USP12: variants seen among roughly 807,000 people sequenced by gnomAD.
USP12 encodes ubiquitin carboxyl-terminal hydrolase 12.
In USP12, 19 loss-of-function variants were observed where a neutral mutation model predicts 45.5. The observed-to-expected ratio is 0.42, with a 90% CI of 0.29 to 0.61. The LOEUF (loss-of-function observed/expected upper bound fraction) is 0.61, where lower values mean the gene tolerates loss of function less well. USP12 is among the 20% of genes least tolerant of loss of function. The pLI, the probability that USP12 is intolerant of heterozygous loss-of-function variation, is 0.22. For synonymous variants in USP12, 149 were observed against 148.8 expected (o/e 1.00, Z -0.01); for missense variants, 242 against 447.7 (o/e 0.54, Z 4.15).
At position 27,105,834 on chromosome 13, in the gene USP12, A is replaced by G. The variant is rs763355024; in HGVS notation, c.240T>C (p.Leu80=). 90 of 1,613,754 alleles carry G rather than the reference A, an allele frequency of 5.6e-5. No homozygotes were observed. The highest frequency in any genetic ancestry group is 7.5e-5 in the Non-Finnish European group (88 of 1,179,822). ...GGAAGAGATCTGCTAAGCATGTAAG[A>G]AGGCTCTCCTTTTTCCTAGGTTGAC... ...YKSQPRKKES[L]LTCLADLFHS... The change falls in exon 3 of 9, where the codon CTT becomes CTC. Residue 80 remains leucine, a synonymous_variant. Transcript: ENST00000282344.
chr13:27,094,176 G>A (rs1196254045), intron 4 of USP12, among the ~76,000 whole-genome samples: 3 of 73,058 alleles, frequency 4.1e-5, no homozygotes, highest in Non-Finnish European at 7.9e-5. Context: ...CTAATTGCAA[G>A]GGGATTTAAA....
intron 1 of USP12, among the ~76,000 whole-genome samples, chr13:27,166,909 T>C (rs1315673261): frequency 3.9e-5 from 6 of 152,160 alleles, no homozygotes; most frequent in African/African-American, 1.4e-4. Context: ...TTTTATAACA[T>C]TAAACTCATG....
chr13:27,081,312 T>A (rs765255895), intron 6 of USP12, among the ~76,000 whole-genome samples: 21 of 152,252 alleles, frequency 1.4e-4, no homozygotes, highest in Non-Finnish European at 2.8e-4. Flanking sequence ...TCAACAATGT[T>A]CACAGCATGT....
intron 1 of USP12, among the ~76,000 whole-genome samples, chr13:27,155,082 T>C: frequency 7.8e-6 from 1 of 128,594 alleles, no homozygotes; most frequent in Non-Finnish European, 1.6e-5. Context: ...TTTTTTTTTT[T>C]TTTTTTTTTT....
At chr13:27,097,057 T>C (rs1363001016) in intron 3 of USP12, among the ~76,000 whole-genome samples, 1 of 149,652 alleles carries the variant, frequency 6.7e-6, no homozygotes, top group Admixed American at 6.7e-5. Context: ...GCAAATCTCA[T>C]ATAAAAGAAA....
At chr13:27,151,014 A>G (rs1003521623) in intron 1 of USP12, among the ~76,000 whole-genome samples, 1 of 152,058 alleles carries the variant, frequency 6.6e-6, no homozygotes, top group South Asian at 2.1e-4. Flanking sequence ...AAAATATGAC[A>G]CCAAAAGCAT....
intron 1 of USP12, among the ~76,000 whole-genome samples, chr13:27,160,013 G>A (rs930444491): frequency 3.9e-5 from 6 of 152,176 alleles, no homozygotes; most frequent in South Asian, 2.1e-4. Context: ...GCGGAATTGC[G>A]AACACTTGGC....
intron 1 of USP12, among the ~76,000 whole-genome samples, chr13:27,135,421 G>C (rs537071836): frequency 1.3e-5 from 2 of 152,060 alleles, no homozygotes; most frequent in East Asian, 3.9e-4. Flanking sequence ...TTAAGTATTG[G>C]GTCTATGGAG....
At chr13:27,098,559 T>C (rs1489286128) in intron 3 of USP12, among the ~76,000 whole-genome samples, 2 of 152,306 alleles carry the variant, frequency 1.3e-5, no homozygotes, top group South Asian at 2.1e-4. Context: ...TTCCATCCAG[T>C]GTTAGCTTGA....
chr13:27,100,165 G>A (rs1874801522), intron 3 of USP12, among the ~76,000 whole-genome samples: 1 of 152,158 alleles, frequency 6.6e-6, no homozygotes, highest in African/African-American at 2.4e-5. Context: ...CTAGACCACA[G>A]CTAAGCTAAC....
chr13:27,126,240 T>C (rs1296169282), intron 1 of USP12, among the ~76,000 whole-genome samples: 1 of 152,182 alleles, frequency 6.6e-6, no homozygotes, highest in East Asian at 1.9e-4. Context: ...AGACACCTCA[T>C]ACAGGCTGGT....
intron 2 of USP12, among the ~76,000 whole-genome samples, chr13:27,116,260 C>G (rs916705152): frequency 6.8e-6 from 1 of 147,606 alleles, no homozygotes; most frequent in Admixed American, 6.9e-5. Flanking sequence ...TGCAGTGAGC[C>G]GAGATCGCGC....
At position 27,136,177 on chromosome 13, in the gene USP12, C is replaced by G. The variant is rs537134639; in HGVS notation, c.49-19581G>C. On this transcript the variant is annotated intron_variant, in intron 1 of 8. Coordinates refer to ENST00000282344, the MANE Select transcript of USP12 (RefSeq NM_182488.4). ...CACCAAAACTTCAAGGCTCCTAAGT[C>G]CAAGTCTACAACAAGAAGAAAACAG... Among the ~76,000 whole-genome samples, 3 of 152,246 alleles carry G rather than the reference C, an allele frequency of 2.0e-5. No homozygotes were observed. In the South Asian group the frequency reaches 6.2e-4, roughly 32 times the overall value.
intron 1 of USP12, among the ~76,000 whole-genome samples, chr13:27,123,678 C>T (rs924487656): frequency 6.6e-6 from 1 of 152,196 alleles, no homozygotes; most frequent in Non-Finnish European, 1.5e-5. Context: ...AGTTCCCCTG[C>T]ACACGCTCTC....
chr13:27,171,564 C>A, intron 1 of USP12, 28 bp downstream of exon 1: 1 of 1,239,440 alleles, frequency 8.1e-7, no homozygotes, highest in South Asian at 1.5e-5. Flanking sequence ...GTCCCGGCAG[C>A]CCCGGCCGCC....
chr13:27,162,921 T>G (rs1878174408), intron 1 of USP12: 1 of 152,196 alleles, frequency 6.6e-6, no homozygotes, highest in South Asian at 2.1e-4. Context: ...ACTCCCTGTG[T>G]GGGTGTGTAT....
At chr13:27,088,276 C>T (rs1282421414) in intron 6 of USP12, among the ~76,000 whole-genome samples, 4 of 151,948 alleles carry the variant, frequency 2.6e-5, no homozygotes, top group Non-Finnish European at 5.9e-5. Context: ...ATTAGCCGGG[C>T]GTGGTGGCGG....
At chr13:27,073,206 GA>G (rs1460464626) in intron 7 of USP12, among the ~76,000 whole-genome samples, 1 of 151,980 alleles carries the variant, frequency 6.6e-6, no homozygotes, top group Non-Finnish European at 1.5e-5. Context: ...GAAAGAGTAA[GA>G]CCCTGGGGTG....
intron 1 of USP12, among the ~76,000 whole-genome samples, chr13:27,142,319 G>A (rs574444900): frequency 9.2e-5 from 14 of 152,100 alleles, no homozygotes; most frequent in African/African-American, 2.4e-4. Context: ...CGATAAAGAC[G>A]AAAAAAGGCG....
Sources: gnomAD v4.1 joint callset for allele counts (sites outside exome capture counted in the v4.1 genomes callset) on GRCh38, gnomAD v4.1.1 for gene constraint, MANE v1.5 for transcripts, NCBI Gene and HGNC (gene_info 2026-07-23, HGNC 2026-07-21) for gene names.